The following KCNIP4 variants were observed in gnomAD, a reference collection of about 807,000 sequenced individuals.
KCNIP4 encodes the protein potassium voltage-gated channel interacting protein 4, also known as Kv channel-interacting protein 4.
In KCNIP4, 12 loss-of-function variants were observed where a neutral mutation model predicts 34.0. The observed-to-expected ratio is 0.35, with a 90% CI of 0.23 to 0.57. The LOEUF is 0.57. Ranked by LOEUF, KCNIP4 falls within the 20% of genes least tolerant of loss-of-function variation. The pLI is 0.83. For missense variants in KCNIP4, 238 were observed against 311.7 expected (o/e 0.76, Z 1.78); for synonymous variants, 124 against 102.2 (o/e 1.21, Z -1.29).
At chr4:21,132,851 GACAAAA>G (rs1306088732) in intron 1 of KCNIP4, among the ~76,000 whole-genome samples, 1 of 45,878 alleles carries the variant, frequency 2.2e-5, no homozygotes, top group East Asian at 4.9e-4. Flanking sequence ...TCTACTAAAC[GACAAAA>G]AAAAAAAAAA....
chr4:20,852,083 A>G (rs540415209), intron 2 of KCNIP4, among the ~76,000 whole-genome samples: 2 of 152,300 alleles, frequency 1.3e-5, no homozygotes, highest in African/African-American at 4.8e-5. Context: ...ATCTGAAGAA[A>G]GATATAAGGA....
At chr4:20,730,187 T>C in intron 8 of KCNIP4, 58 bp from the exon 9 acceptor site, 2 of 1,544,074 alleles carry the variant, frequency 1.3e-6, no homozygotes, top group Non-Finnish European at 1.7e-6. Context: ...AAAAGTACAC[T>C]ATTTTGCCCC....
At chr4:21,662,487 T>C (rs960723123) in intron 1 of KCNIP4, among the ~76,000 whole-genome samples, 1 of 152,176 alleles carries the variant, frequency 6.6e-6, no homozygotes, top group Non-Finnish European at 1.5e-5. Flanking sequence ...GAAATGCATA[T>C]CCCATTAAAA....
intron 3 of KCNIP4, among the ~76,000 whole-genome samples, chr4:20,791,890 G>T (rs1712799102): frequency 6.6e-6 from 1 of 152,162 alleles, no homozygotes; most frequent in African/African-American, 2.4e-5. Flanking sequence ...TGAGAGAGAA[G>T]AAATTCTGCC....
rs1344674231 is a variant in KCNIP4, at chr4:20,730,070, C to A, written c.*12G>T. 1 of 1,605,738 alleles carries A rather than the reference C, an allele frequency of 6.2e-7. No individual in the cohort carries two copies. Among genetic ancestry groups the A allele is most frequent in the African/African-American group, 1.3e-5 (1 of 74,606 alleles). ...CACATTTGTCTGTTGGATTCAGGAT[C>A]TATTTGACAAGTTAAATCACATTTT... On this transcript the variant is annotated 3_prime_UTR_variant, in exon 9 of 9. Coordinates refer to ENST00000382152, the MANE Select transcript of KCNIP4 (RefSeq NM_025221.6).
rs139912263 is a variant in KCNIP4, at chr4:21,693,085, G to A, written c.61+255486C>T. On this transcript the variant is annotated intron_variant, in intron 1 of 8. Coordinates refer to ENST00000382152, the MANE Select transcript of KCNIP4 (RefSeq NM_025221.6). ...AGAAACAAACTTTGTTCAAGTCTCC[G>A]ATTTTGCTTAGGATCACCTCTTCCA... is the stretch of plus-strand genomic sequence containing the variant. Among the ~76,000 whole-genome samples the A allele has an allele frequency of 4.7e-3, 706 of 151,078 alleles. 7 individuals are homozygous for A. The highest frequency in any genetic ancestry group is 0.016 in the African/African-American group (633 of 40,658).
intron 1 of KCNIP4, among the ~76,000 whole-genome samples, chr4:21,906,602 G>C (rs1183188977): frequency 6.6e-6 from 1 of 152,088 alleles, no homozygotes; most frequent in Non-Finnish European, 1.5e-5. Flanking sequence ...AAGCCACAAA[G>C]TTCAGGGTAA....
intron 1 of KCNIP4, among the ~76,000 whole-genome samples, chr4:21,080,089 C>G (rs1250001900): frequency 1.3e-5 from 2 of 151,860 alleles, no homozygotes; most frequent in East Asian, 3.9e-4. Flanking sequence ...CAAATACATT[C>G]TGCAACTCAT....
At chr4:21,354,607 A>T (rs527983255) in intron 1 of KCNIP4, among the ~76,000 whole-genome samples, 1 of 152,218 alleles carries the variant, frequency 6.6e-6, no homozygotes, top group Non-Finnish European at 1.5e-5. Context: ...ACTATCCTAA[A>T]GATATATGCA....
intron 1 of KCNIP4, among the ~76,000 whole-genome samples, chr4:21,757,509 T>C (rs949817865): frequency 6.6e-6 from 1 of 152,166 alleles, no homozygotes; most frequent in Non-Finnish European, 1.5e-5. Flanking sequence ...CCTCTCTATA[T>C]GCAATTTGAA....
intron 1 of KCNIP4, among the ~76,000 whole-genome samples, chr4:21,355,260 AC>A (rs1233217374): frequency 6.6e-5 from 10 of 152,204 alleles, no homozygotes; most frequent in Admixed American, 6.5e-4. Flanking sequence ...GCAAGAGCAA[AC>A]AAATTCAAAA....
chr4:21,946,292 T>G (rs1356868523), intron 1 of KCNIP4, among the ~76,000 whole-genome samples: 1 of 152,094 alleles, frequency 6.6e-6, no homozygotes, highest in Non-Finnish European at 1.5e-5. Flanking sequence ...CTCAGTTAGA[T>G]CTTCCAGTTA....
At chr4:21,442,828 C>T (rs958964498) in intron 1 of KCNIP4, among the ~76,000 whole-genome samples, 1 of 152,112 alleles carries the variant, frequency 6.6e-6, no homozygotes, top group Non-Finnish European at 1.5e-5. Context: ...CCCAAGTTCA[C>T]CTCTATGTTA....
intron 1 of KCNIP4, among the ~76,000 whole-genome samples, chr4:21,087,408 A>T (rs542656314): frequency 6.6e-6 from 1 of 152,058 alleles, no homozygotes; most frequent in South Asian, 2.1e-4. Flanking sequence ...AATCTTCCTG[A>T]CCTCATGATC....
intron 1 of KCNIP4, among the ~76,000 whole-genome samples, chr4:21,743,203 C>A (rs1332622530): frequency 3.3e-5 from 5 of 152,042 alleles, no homozygotes; most frequent in Non-Finnish European, 7.4e-5. Context: ...AGTACAAAAT[C>A]GGTCTAATTG....
intron 5 of KCNIP4, among the ~76,000 whole-genome samples, chr4:20,740,831 G>C (rs540660037): frequency 1.3e-5 from 2 of 151,996 alleles, no homozygotes; most frequent in Non-Finnish European, 2.9e-5. Context: ...GACCCATCTC[G>C]CCTGCAGAGA....
chr4:21,396,817 G>A (rs894851687), intron 1 of KCNIP4, among the ~76,000 whole-genome samples: 11 of 152,238 alleles, frequency 7.2e-5, no homozygotes, highest in African/African-American at 1.7e-4. Flanking sequence ...GCTGGAAGAA[G>A]GCTAGAAAAC....
intron 1 of KCNIP4, chr4:21,763,032 T>C: frequency 4.7e-6 from 6 of 1,288,816 alleles, no homozygotes; most frequent in Non-Finnish European, 6.1e-6. Flanking sequence ...AATAACCGCT[T>C]CTAGATTGAA....
chr4:21,073,110 G>A (rs1396105463), intron 1 of KCNIP4, among the ~76,000 whole-genome samples: 3 of 152,122 alleles, frequency 2.0e-5, no homozygotes, highest in Non-Finnish European at 2.9e-5. Flanking sequence ...TTTGGCTTAG[G>A]ATTGACTTGG....
Sources: allele counts gnomAD v4.1 joint callset (sites outside exome capture counted in the v4.1 genomes callset), GRCh38; gene constraint gnomAD v4.1.1; transcripts MANE v1.5; gene names NCBI Gene and HGNC (gene_info 2026-07-23, HGNC 2026-07-21).